Variants in PTGER3 observed in about 807,000 individuals in gnomAD.
PTGER3 encodes the protein prostaglandin E receptor 3, also known as prostaglandin E2 receptor EP3 subtype.
Under a neutral mutation model 34.7 loss-of-function variants are expected in PTGER3, and 22 were observed. That is an observed-to-expected ratio of 0.63 (90% confidence interval 0.45 to 0.91). The LOEUF (loss-of-function observed/expected upper bound fraction) is 0.91. Ranked by LOEUF, PTGER3 falls within the 40% of genes least tolerant of loss-of-function variation. The pLI is 0.00. For synonymous variants in PTGER3, 241 were observed against 230.1 expected (o/e 1.05, Z -0.43); for missense variants, 468 against 519.4 (o/e 0.90, Z 0.96).
chr1:70,987,872 T>C (rs894203503), intron 2 of PTGER3, among the ~76,000 whole-genome samples: 2 of 152,236 alleles, frequency 1.3e-5, no homozygotes, highest in African/African-American at 4.8e-5. Context: ...TGATTACATA[T>C]CTTTCATGTG....
intron 1 of PTGER3, among the ~76,000 whole-genome samples, chr1:71,016,058 G>A (rs1414916284): frequency 2.6e-5 from 4 of 152,032 alleles, no homozygotes; most frequent in Admixed American, 6.6e-5. Flanking sequence ...TCAGCCTCCC[G>A]AGATGCTGGG....
chr1:70,866,448 CACCATCAA>C (rs1375283391), intron 4 of PTGER3, among the ~76,000 whole-genome samples: 2 of 152,186 alleles, frequency 1.3e-5, no homozygotes, highest in African/African-American at 4.8e-5. Flanking sequence ...GAGATCAAAC[CACCATCAA>C]AGCCCCCGAG....
chr1:70,974,497 T>C (rs1653489661), intron 2 of PTGER3, 109 bp from the exon 3 acceptor site: 2 of 645,594 alleles, frequency 3.1e-6, no homozygotes, highest in African/African-American at 1.8e-5. Flanking sequence ...AATATGGATG[T>C]TTTAGATATT....
At chr1:70,943,628 A>G (rs1404181632) in intron 4 of PTGER3, among the ~76,000 whole-genome samples, 2 of 152,102 alleles carry the variant, frequency 1.3e-5, no homozygotes, top group Admixed American at 6.6e-5. Context: ...CCCAGTCTCT[A>G]TGTCATACTT....
At chr1:70,855,552 G>A (rs546351033) in intron 4 of PTGER3, among the ~76,000 whole-genome samples, 10 of 151,826 alleles carry the variant, frequency 6.6e-5, no homozygotes, top group Admixed American at 2.6e-4. Flanking sequence ...ACAAAATATC[G>A]ATTATTGTTT....
chr1:70,935,666 A>ATATATATATATATATATATAT (rs1649145464), intron 4 of PTGER3, among the ~76,000 whole-genome samples: 1 of 41,450 alleles, frequency 2.4e-5, no homozygotes, highest in African/African-American at 1.9e-4. Context: ...TAAGGATACA[A>ATATATATATATATATATATAT]ATATAAATAT....
At chr1:70,904,841 A>G (rs894265581) in intron 4 of PTGER3, among the ~76,000 whole-genome samples, 3 of 152,194 alleles carry the variant, frequency 2.0e-5, no homozygotes, top group African/African-American at 7.2e-5. Context: ...AGAAATTTGT[A>G]TAAGTAGTGA....
chr1:70,909,147 T>C (rs565214532), intron 4 of PTGER3, among the ~76,000 whole-genome samples: 1 of 152,334 alleles, frequency 6.6e-6, no homozygotes, highest in South Asian at 2.1e-4. Context: ...TATTTAGAGC[T>C]ACTATAAATA....
chr1:70,984,259 C>T (rs1015021763), intron 2 of PTGER3, among the ~76,000 whole-genome samples: 1 of 151,624 alleles, frequency 6.6e-6, no homozygotes, highest in Non-Finnish European at 1.5e-5. Context: ...TGGTGGCACA[C>T]ACCTGTAATC....
intron 2 of PTGER3, among the ~76,000 whole-genome samples, chr1:70,986,337 C>A (rs1001617407): frequency 6.6e-6 from 1 of 152,056 alleles, no homozygotes; most frequent in Admixed American, 6.6e-5. Flanking sequence ...GTAGACTCAC[C>A]CTGAAGTCTT....
intron 3 of PTGER3, among the ~76,000 whole-genome samples, chr1:70,972,714 A>ATTT (rs1653217918): frequency 6.6e-6 from 1 of 152,084 alleles, no homozygotes. Flanking sequence ...AAGAATTTGC[A>ATTT]AATGGTCTGA....
chr1:71,010,017 T>A (rs1657303123), intron 2 of PTGER3: 7 of 985,142 alleles, frequency 7.1e-6, no homozygotes, highest in Non-Finnish European at 7.2e-6. Context: ...AATTTCTTTG[T>A]TTTCCACCTC....
chr1:71,041,772 T>C (rs1660333205), intron 1 of PTGER3, among the ~76,000 whole-genome samples: 1 of 152,112 alleles, frequency 6.6e-6, no homozygotes, highest in Non-Finnish European at 1.5e-5. Flanking sequence ...TTGTGAGGCA[T>C]GAATGAGATA....
At chr1:70,870,488 G>GA (rs1294773668) in intron 4 of PTGER3, among the ~76,000 whole-genome samples, 1 of 152,198 alleles carries the variant, frequency 6.6e-6, no homozygotes, top group East Asian at 1.9e-4. Flanking sequence ...TTCCTCTCCA[G>GA]AAAAATGCTT....
chr1:71,001,284 A>T (rs1413696766), intron 2 of PTGER3, among the ~76,000 whole-genome samples: 2 of 152,200 alleles, frequency 1.3e-5, no homozygotes. Flanking sequence ...GTGTATAAAA[A>T]TCTATGTAAC....
intron 4 of PTGER3, among the ~76,000 whole-genome samples, chr1:70,882,894 G>C (rs749604815): frequency 6.6e-6 from 1 of 152,178 alleles, no homozygotes; most frequent in Non-Finnish European, 1.5e-5. Context: ...CAGATGTTTG[G>C]CCTGCAGGGT....
chr1:70,966,606 G>T (rs893271271), downstream of PTGER3, among the ~76,000 whole-genome samples: 1 of 151,070 alleles, frequency 6.6e-6, no homozygotes, highest in African/African-American at 2.4e-5. Flanking sequence ...CCTCACCCCC[G>T]ACCCCCCAAC....
chr1:70,957,965 TATA>T (rs1300964852), intron 2 of PTGER3, among the ~76,000 whole-genome samples: 1 of 152,148 alleles, frequency 6.6e-6, no homozygotes, highest in African/African-American at 2.4e-5. Context: ...TTTCACATAA[TATA>T]ATGTCCTCCA....
intron 4 of PTGER3, among the ~76,000 whole-genome samples, chr1:70,899,609 A>G (rs1287517497): frequency 6.6e-6 from 1 of 151,744 alleles, no homozygotes; most frequent in Non-Finnish European, 1.5e-5. Flanking sequence ...CTTGGATTTT[A>G]CTCTGCAGGA....
Sources: gnomAD v4.1 joint callset for allele counts (sites outside exome capture counted in the v4.1 genomes callset) on GRCh38, gnomAD v4.1.1 for gene constraint, MANE v1.5 for transcripts, NCBI Gene and HGNC (gene_info 2026-07-23, HGNC 2026-07-21) for gene names.